The following LRMDA variants were observed in gnomAD, a reference collection of about 807,000 sequenced individuals.
LRMDA encodes the protein leucine-rich melanocyte differentiation-associated protein.
Under a neutral mutation model 29.8 loss-of-function variants are expected in LRMDA, and 18 were observed. The ratio of observed to expected loss-of-function variants is 0.60; its 90% confidence interval spans 0.42 to 0.90. LRMDA has a LOEUF of 0.90. Among genes scored for constraint, LRMDA ranks in the 40% least tolerant of loss-of-function variants. The pLI, the probability that LRMDA is intolerant of heterozygous loss-of-function variation, is 0.00. For missense variants in LRMDA, 273 were observed against 273.9 expected (o/e 1.00, Z 0.02); for synonymous variants, 125 against 109.4 (o/e 1.14, Z -0.89).
intron 5 of LRMDA, among the ~76,000 whole-genome samples, chr10:76,159,143 T>C (rs1483152561): frequency 1.3e-5 from 2 of 152,194 alleles, no homozygotes; most frequent in Non-Finnish European, 2.9e-5. Flanking sequence ...TGGAAAAATA[T>C]ACCTTAAAGT....
intron 5 of LRMDA, among the ~76,000 whole-genome samples, chr10:76,308,317 G>A (rs1840585232): frequency 6.6e-6 from 1 of 152,192 alleles, no homozygotes; most frequent in South Asian, 2.1e-4. Flanking sequence ...AGTGAGCCAT[G>A]AGAATTTGTC....
chr10:76,023,884 A>G (rs1848018687), intron 2 of LRMDA, among the ~76,000 whole-genome samples: 1 of 152,224 alleles, frequency 6.6e-6, no homozygotes, highest in African/African-American at 2.4e-5. Flanking sequence ...TTCAAAAACA[A>G]TCTTTCAGCT....
chr10:76,527,494 A>G (rs1477734571), intron 6 of LRMDA, among the ~76,000 whole-genome samples: 1 of 152,124 alleles, frequency 6.6e-6, no homozygotes, highest in East Asian at 1.9e-4. Flanking sequence ...CACTGACAAG[A>G]TTCTATTTCA....
intron 2 of LRMDA, among the ~76,000 whole-genome samples, chr10:76,012,245 GT>G (rs1184776344): frequency 6.6e-6 from 1 of 152,198 alleles, no homozygotes; most frequent in Non-Finnish European, 1.5e-5. Flanking sequence ...TCCAACCAGA[GT>G]TTTCAGCCAC....
chr10:75,645,990 C>T (rs1052066115), intron 2 of LRMDA, among the ~76,000 whole-genome samples: 12 of 151,518 alleles, frequency 7.9e-5, no homozygotes, highest in East Asian at 5.8e-4. Context: ...CCTTTCCTGC[C>T]GTGATATTTT....
At chr10:75,909,575 T>A (rs1415691880) in intron 2 of LRMDA, among the ~76,000 whole-genome samples, 4 of 152,174 alleles carry the variant, frequency 2.6e-5, no homozygotes, top group African/African-American at 9.7e-5. Flanking sequence ...AATGCTTATC[T>A]CTAATAGGTG....
intron 6 of LRMDA, among the ~76,000 whole-genome samples, chr10:76,556,680 C>G (rs926556272): frequency 2.0e-5 from 3 of 152,126 alleles, no homozygotes; most frequent in African/African-American, 4.8e-5. Context: ...TCAACACCAC[C>G]TCTCTTCCTT....
intron 2 of LRMDA, among the ~76,000 whole-genome samples, chr10:75,965,018 G>A (rs1589269441): frequency 6.6e-6 from 1 of 152,030 alleles, no homozygotes; most frequent in African/African-American, 2.4e-5. Context: ...CACTCAACTC[G>A]GCCTCCCAAA....
At chr10:75,726,279 A>G (rs1166783255) in intron 2 of LRMDA, among the ~76,000 whole-genome samples, 4 of 152,152 alleles carry the variant, frequency 2.6e-5, no homozygotes, top group African/African-American at 7.2e-5. Context: ...GAGTGGGGGT[A>G]ATAGATTGTT....
intron 2 of LRMDA, among the ~76,000 whole-genome samples, chr10:75,497,946 T>C (rs1268015553): frequency 3.3e-5 from 5 of 152,352 alleles, no homozygotes; most frequent in South Asian, 2.1e-4. Context: ...TACTGGGTCC[T>C]AGGGGAGATG....
chr10:76,286,861 C>A (rs948203610), intron 5 of LRMDA, among the ~76,000 whole-genome samples: 1 of 152,128 alleles, frequency 6.6e-6, no homozygotes, highest in Non-Finnish European at 1.5e-5. Context: ...CCTAGCTTTG[C>A]CAGCCCATAA....
intron 6 of LRMDA, among the ~76,000 whole-genome samples, chr10:76,372,516 G>C (rs1381038721): frequency 6.6e-6 from 1 of 151,922 alleles, no homozygotes. Context: ...GGGAGGCTGA[G>C]GCAGGAGAAT....
chr10:76,388,840 G>A (rs762033794), intron 6 of LRMDA, among the ~76,000 whole-genome samples: 1 of 152,168 alleles, frequency 6.6e-6, no homozygotes, highest in African/African-American at 2.4e-5. Flanking sequence ...TATTAGCATT[G>A]CCTCCTTTAA....
chr10:75,562,220 T>G (rs1379272500), intron 2 of LRMDA, among the ~76,000 whole-genome samples: 1 of 152,174 alleles, frequency 6.6e-6, no homozygotes, highest in Non-Finnish European at 1.5e-5. Context: ...TGCTCCTGTA[T>G]TGGGTGCATA....
At chr10:76,292,682 CTCTT>C (rs1490223687) in intron 5 of LRMDA, among the ~76,000 whole-genome samples, 8 of 152,056 alleles carry the variant, frequency 5.3e-5, no homozygotes, top group South Asian at 4.2e-4. Context: ...TACTTTATGA[CTCTT>C]TATGCACACG....
chr10:75,783,926 T>C (rs1212513317), intron 2 of LRMDA, among the ~76,000 whole-genome samples: 4 of 152,208 alleles, frequency 2.6e-5, no homozygotes, highest in Non-Finnish European at 5.9e-5. Flanking sequence ...CTGTATTTAC[T>C]GGAATATCTT....
At chr10:76,484,309 T>A (rs1266788058) in intron 6 of LRMDA, among the ~76,000 whole-genome samples, 1 of 151,856 alleles carries the variant, frequency 6.6e-6, no homozygotes, top group Non-Finnish European at 1.5e-5. Context: ...TAGAAGTTCT[T>A]TGCCTTTCTA....
intron 5 of LRMDA, among the ~76,000 whole-genome samples, chr10:76,229,147 G>C (rs1407747534): frequency 6.6e-6 from 1 of 152,210 alleles, no homozygotes. Context: ...AATATACCAA[G>C]TATGTCTTTG....
At chr10:76,473,464 A>C (rs1842638015) in intron 6 of LRMDA, among the ~76,000 whole-genome samples, 2 of 151,554 alleles carry the variant, frequency 1.3e-5, no homozygotes, top group Admixed American at 1.3e-4. Context: ...CAAGACCAAG[A>C]AATCCACTAT....
Sources: gnomAD v4.1 joint callset for allele counts (sites outside exome capture counted in the v4.1 genomes callset) on GRCh38, gnomAD v4.1.1 for gene constraint, MANE v1.5 for transcripts, NCBI Gene and HGNC (gene_info 2026-07-23, HGNC 2026-07-21) for gene names.